The following ME3 variants were observed in gnomAD, a reference collection of about 807,000 sequenced individuals.
ME3 encodes the protein NADP-dependent malic enzyme, mitochondrial.
Under a neutral mutation model 68.9 loss-of-function variants are expected in ME3, and 48 were observed. The ratio of observed to expected loss-of-function variants is 0.70; its 90% CI spans 0.55 to 0.89. The LOEUF (loss-of-function observed/expected upper bound fraction) is 0.89. Among genes scored for constraint, ME3 ranks in the 40% least tolerant of loss-of-function variants. The pLI is 0.00. For synonymous variants in ME3, 320 were observed against 318.8 expected, an observed-to-expected ratio of 1.00 and a Z score of -0.04; for missense variants, 675 against 797.4, an observed-to-expected ratio of 0.85 and a Z score of 1.85.
chr11:86,531,857 G>A lies in ME3; in HGVS notation c.468-22990C>T, dbSNP rs141437137. Among the ~76,000 whole-genome samples the A allele has an allele frequency of 1.1e-4, 17 of 151,702 alleles. No homozygotes were observed. In the East Asian group the frequency reaches 3.3e-3, roughly 29 times the overall value. ...GGGGGGAGGGGGGAGGCATAGCACT[G>A]GGAGATATACCTAATATTAAATGAC... On this transcript the variant is annotated intron_variant, in intron 4 of 14. Transcript: ENST00000543262.
intron 2 of ME3, among the ~76,000 whole-genome samples, chr11:86,651,998 C>T (rs531137710): frequency 1.2e-4 from 18 of 152,050 alleles, no homozygotes; most frequent in East Asian, 5.8e-4. Context: ...GTATCAGTGA[C>T]GGAAGATCAA....
At chr11:86,575,008 CA>C (rs1367616205) in intron 2 of ME3, among the ~76,000 whole-genome samples, 2 of 120,364 alleles carry the variant, frequency 1.7e-5, no homozygotes, top group Non-Finnish European at 3.5e-5. Flanking sequence ...GGGCAGGGGC[CA>C]ACTTGTTCTC....
At chr11:86,474,087 C>T (rs1275453368) in intron 7 of ME3, among the ~76,000 whole-genome samples, 2 of 152,152 alleles carry the variant, frequency 1.3e-5, no homozygotes, top group Non-Finnish European at 2.9e-5. Context: ...GAAGGGATTT[C>T]AGCCCATGAT....
At chr11:86,508,807 T>C (rs902623744) in exon 5 of ME3, 10 of 1,612,584 alleles carry the variant, frequency 6.2e-6, no homozygotes, top group Non-Finnish European at 8.5e-6. Context: ...TATTGTCTTC[T>C]GGCCAAGAAT....
chr11:86,513,834 CA>C (rs34220027), intron 4 of ME3, among the ~76,000 whole-genome samples: 3,654 of 152,222 alleles, frequency 0.024, 63 homozygotes, highest in Admixed American at 0.034. Context: ...TCAATGACCT[CA>C]GCAATGTATT....
In ME3 at chr11:86,471,141, C is replaced by CTTTTTTTT. The variant is rs1163128094; in HGVS notation, c.810-5949_810-5942dup. Among the ~76,000 whole-genome samples the CTTTTTTTT allele has an allele frequency of 8.0e-5, 6 of 75,044 alleles. 2 individuals carry two copies. The highest frequency in any genetic ancestry group is 1.4e-4 in the Non-Finnish European group (6 of 42,088). The allele number at this position is 75,044 out of a possible 152,430, so 49.2% of individuals were successfully genotyped here. ...CCTACTTAAACTGTAAGGCCCAGAGCTTTTTTTTTTTTTTTTTTTTTTTTT... is the reference window on the plus strand; with the variant it reads ...CCTACTTAAACTGTAAGGCCCAGAGCTTTTTTTTTTTTTTTTTTTTTTTTTTTTTTTTT... On this transcript the variant is annotated intron_variant, in intron 7 of 14. Coordinates refer to ENST00000543262, the Ensembl canonical transcript of ME3.
In ME3 at chr11:86,484,111, G is replaced by A. The variant is rs865873518; in HGVS notation, c.809+3226C>T. On this transcript the variant is annotated intron_variant, in intron 7 of 14. Coordinates refer to ENST00000543262, the Ensembl canonical transcript of ME3. ...CTGGCAGGTTCTCCTCAGTGGCCAAGCTCCACGGCAGGAACTGAGCCATAG... is the reference window on the plus strand; with the variant it reads ...CTGGCAGGTTCTCCTCAGTGGCCAAACTCCACGGCAGGAACTGAGCCATAG... 2.6e-5 allele frequency among the ~76,000 whole-genome samples: 4 copies of A among 152,274 alleles called. No individual in the cohort carries two copies. In the Middle Eastern group the frequency reaches 0.014, roughly 518 times the overall value.
intron 2 of ME3, among the ~76,000 whole-genome samples, chr11:86,633,435 A>G (rs1944138138): frequency 6.6e-6 from 1 of 152,210 alleles, no homozygotes; most frequent in Admixed American, 6.5e-5. Flanking sequence ...CAGAATCTGA[A>G]CCCAGGTAAT....
chr11:86,560,744 G>GTGTGTA (rs1957178087), intron 2 of ME3, among the ~76,000 whole-genome samples: 4 of 66,918 alleles, frequency 6.0e-5, no homozygotes, highest in East Asian at 4.5e-4. Flanking sequence ...GTGTGTGTGT[G>GTGTGTA]TGTGTATATA....
chr11:86,458,434 C>T (rs905083993), intron 8 of ME3, among the ~76,000 whole-genome samples: 1 of 152,148 alleles, frequency 6.6e-6, no homozygotes, highest in South Asian at 2.1e-4. Flanking sequence ...TAGGGTTAGG[C>T]CTGTTTTGCC....
intron 2 of ME3, among the ~76,000 whole-genome samples, chr11:86,566,308 T>G (rs1230747655): frequency 6.6e-6 from 1 of 152,162 alleles, no homozygotes. Context: ...CTCCAAAAAG[T>G]GAAGAAAACT....
chr11:86,502,306 T>G (rs1055839743), intron 5 of ME3, among the ~76,000 whole-genome samples: 2 of 152,222 alleles, frequency 1.3e-5, no homozygotes, highest in Non-Finnish European at 2.9e-5. Flanking sequence ...AGCATTTTCC[T>G]CACCTACTAA....
chr11:86,546,353 A>G (rs906641056), intron 4 of ME3, among the ~76,000 whole-genome samples: 1 of 152,234 alleles, frequency 6.6e-6, no homozygotes, highest in Non-Finnish European at 1.5e-5. Flanking sequence ...ACAGCAAAAG[A>G]AACTGTCATC....
At chr11:86,508,504 A>G (rs1294088891) in intron 5 of ME3, among the ~76,000 whole-genome samples, 1 of 152,196 alleles carries the variant, frequency 6.6e-6, no homozygotes, top group East Asian at 1.9e-4. Context: ...TGCGTCTACC[A>G]TGGAAACTGG....
At chr11:86,600,847 T>C (rs1387491998) in intron 2 of ME3, among the ~76,000 whole-genome samples, 6 of 151,802 alleles carry the variant, frequency 4.0e-5, no homozygotes, top group African/African-American at 7.3e-5. Flanking sequence ...TGCTCCTGAA[T>C]GACTACTGGG....
At chr11:86,440,419 A>G (rs891337343), downstream of ME3, among the ~76,000 whole-genome samples, 4 of 152,182 alleles carry the variant, frequency 2.6e-5, no homozygotes, top group East Asian at 5.8e-4. Flanking sequence ...GTGTTGCTCA[A>G]CTACTTCAGA....
At chr11:86,575,065 T>G (rs768586327) in intron 2 of ME3, among the ~76,000 whole-genome samples, 2 of 147,048 alleles carry the variant, frequency 1.4e-5, no homozygotes, top group Admixed American at 6.7e-5. Flanking sequence ...TTTCAGTGTA[T>G]GGGAAGCAGT....
intron 5 of ME3, among the ~76,000 whole-genome samples, chr11:86,507,366 C>T (rs55694976): frequency 0.014 from 2,127 of 152,264 alleles, 21 homozygotes; most frequent in Middle Eastern, 0.027. Context: ...TCTGAACTTC[C>T]AGGGAGCTCT....
chr11:86,637,973 C>T (rs1181609714), intron 2 of ME3, among the ~76,000 whole-genome samples: 1 of 119,306 alleles, frequency 8.4e-6, no homozygotes, highest in Non-Finnish European at 1.8e-5. Flanking sequence ...TGCATACACA[C>T]ACACACACAC....
Sources: allele counts gnomAD v4.1 joint callset (sites outside exome capture counted in the v4.1 genomes callset), GRCh38; gene constraint gnomAD v4.1.1; transcripts MANE v1.5; gene names NCBI Gene and HGNC (gene_info 2026-07-23, HGNC 2026-07-21).